ST7L: variants seen among roughly 807,000 people sequenced by gnomAD.
ST7L encodes the protein suppression of tumorigenicity 7 like, also known as suppressor of tumorigenicity 7 protein-like.
In ST7L, 57 loss-of-function variants were observed where a neutral mutation model predicts 72.5. That is an observed-to-expected ratio of 0.79 (90% confidence interval 0.64 to 0.98). The LOEUF is 0.98. ST7L is among the 50% of genes least tolerant of loss of function. The pLI, the probability that ST7L is intolerant of heterozygous loss-of-function variation, is 0.00. For missense variants in ST7L, 576 were observed against 672.2 expected (o/e 0.86, Z 1.58); for synonymous variants, 221 against 240.9 (o/e 0.92, Z 0.77).
At chr1:112,521,256 C>G (rs1652855914), downstream of ST7L, 1 of 151,556 alleles carries the variant, frequency 6.6e-6, no homozygotes, top group Non-Finnish European at 1.5e-5. Context: ...TTAAAACACC[C>G]TAGAACACTC....
intron 6 of ST7L, among the ~76,000 whole-genome samples, chr1:112,586,852 C>T (rs1278176835): frequency 6.6e-6 from 1 of 152,124 alleles, no homozygotes; most frequent in Non-Finnish European, 1.5e-5. Context: ...AGTTGTGCAA[C>T]CATCGCCACA....
intron 13 of ST7L, among the ~76,000 whole-genome samples, chr1:112,542,881 C>T (rs1656386531): frequency 6.6e-6 from 1 of 151,962 alleles, no homozygotes; most frequent in African/African-American, 2.4e-5. Context: ...CTCACTGCAA[C>T]CTCTGCCACC....
Position 112,619,114 on chromosome 1 carries a change from C to T in ST7L, c.-1G>A, listed in dbSNP as rs756106228. On this transcript the variant is annotated 5_prime_UTR_variant, in exon 1 of 15. Transcript: ENST00000358039. ...CACCCACGCCGCCACGGTCCGCCATCTTGCCGCTATCGCAGGCGCCAGGAG... is the reference window on the plus strand; with the variant it reads ...CACCCACGCCGCCACGGTCCGCCATTTTGCCGCTATCGCAGGCGCCAGGAG... The T allele has an allele frequency of 6.2e-7, 1 of 1,613,260 alleles. No homozygotes were observed. Among genetic ancestry groups the T allele is most frequent in the Non-Finnish European group, 8.5e-7 (1 of 1,179,770 alleles).
chr1:112,579,420 T>C (rs1176988951), intron 9 of ST7L, among the ~76,000 whole-genome samples: 2 of 150,090 alleles, frequency 1.3e-5, no homozygotes, highest in Non-Finnish European at 3.0e-5. Flanking sequence ...AAAAACCTGC[T>C]TATAGTAAGT....
At chr1:112,618,684 A>C in intron 1 of ST7L, 1 of 923,506 alleles carries the variant, frequency 1.1e-6, no homozygotes, top group Non-Finnish European at 1.6e-6. Flanking sequence ...CGAGGACATA[A>C]GAGAGAGGGC....
rs772728397 is a variant in ST7L, at chr1:112,594,603, TG to T, written c.623-3001del. 2.0e-5 allele frequency among the ~76,000 whole-genome samples: 3 copies of T among 152,222 alleles called. No homozygotes were observed. The South Asian group carries it at 6.2e-4, about 32-fold the overall frequency. ...GTAGTGAAGCCTAATTTCGGCCAAGTGGTAAGTTCTAGGCAAAGTTCCAAGA... is the reference window on the plus strand; with the variant it reads ...GTAGTGAAGCCTAATTTCGGCCAAGTGTAAGTTCTAGGCAAAGTTCCAAGA... On this transcript the variant is annotated intron_variant, in intron 5 of 14. Transcript: ENST00000358039.
At chr1:112,592,452 T>C (rs963656407) in intron 5 of ST7L, among the ~76,000 whole-genome samples, 2 of 152,206 alleles carry the variant, frequency 1.3e-5, no homozygotes, top group African/African-American at 4.8e-5. Flanking sequence ...ATTCCACTTG[T>C]GTAACAAAAA....
intron 13 of ST7L, 25 bp from the exon 14 acceptor site, chr1:112,542,115 C>A: frequency 1.3e-6 from 2 of 1,557,936 alleles, no homozygotes; most frequent in East Asian, 2.3e-5. Context: ...AGGTAAGAAT[C>A]AATTTTATTT....
intron 9 of ST7L, among the ~76,000 whole-genome samples, chr1:112,581,590 A>C (rs1166539456): frequency 3.3e-5 from 5 of 151,964 alleles, no homozygotes; most frequent in Non-Finnish European, 1.5e-5. Flanking sequence ...TTTTTTGTAG[A>C]GACAGGGTCT....
downstream of ST7L, chr1:112,521,607 C>T (rs1570806280): frequency 2.6e-5 from 4 of 152,426 alleles, no homozygotes; most frequent in East Asian, 7.7e-4. Context: ...AAGTGATACA[C>T]AGCTTAGAAG....
At chr1:112,544,756 G>C (rs1383637399) in intron 13 of ST7L, among the ~76,000 whole-genome samples, 1 of 152,160 alleles carries the variant, frequency 6.6e-6, no homozygotes, top group Non-Finnish European at 1.5e-5. Context: ...TTATAAGGTA[G>C]AAAACTGCAT....
chr1:112,574,818 G>A (rs1213198875), intron 11 of ST7L, among the ~76,000 whole-genome samples: 2 of 152,154 alleles, frequency 1.3e-5, no homozygotes, highest in African/African-American at 2.4e-5. Context: ...TCAGGTAGGC[G>A]TCTGTGGGTT....
Position 112,618,905 on chromosome 1 carries a change from T to C in ST7L, c.205+4A>G. On this transcript the variant is annotated splice_donor_region_variant and intron_variant, in intron 1 of 14. Coordinates refer to ENST00000358039, the MANE Select transcript of ST7L (RefSeq NM_017744.5). Reference sequence around the variant, plus strand: ...CCCTGCCCCAGGAGGTCTGGTCCTCTCACCCGCTGCCAAATTCTCACACAG... The same window carrying C: ...CCCTGCCCCAGGAGGTCTGGTCCTCCCACCCGCTGCCAAATTCTCACACAG... 6.4e-7 allele frequency: 1 copy of C among 1,555,014 alleles called. No homozygotes were observed. Among genetic ancestry groups the C allele is most frequent in the Non-Finnish European group, 8.7e-7 (1 of 1,149,304 alleles).
Position 112,598,020 on chromosome 1 carries a change from A to C in ST7L, c.573T>G (p.His191Gln), listed in dbSNP as rs748348278. Residue 191 changes from histidine to glutamine, a missense_variant, in exon 5 of 15, where the codon CAT becomes CAG. Transcript: ENST00000358039. ...CTGTGTCACAGGTGAAAAAGGTCTG[A>C]TGGTCCTGAGCTGACAGGTTCATGT... ...YYDMNLSAQD[H>Q]QTFFTCDTDF... The C allele has an allele frequency of 1.1e-5, 17 of 1,613,764 alleles. No individual in the cohort carries two copies. Among genetic ancestry groups the C allele is most frequent in the African/African-American group, 2.7e-5 (2 of 74,910 alleles).
intron 11 of ST7L, among the ~76,000 whole-genome samples, chr1:112,560,473 C>A (rs775852422): frequency 1.4e-4 from 22 of 152,218 alleles, no homozygotes; most frequent in Admixed American, 3.9e-4. Context: ...AAAAGTTGAT[C>A]CCCAAAATAT....
intron 9 of ST7L, among the ~76,000 whole-genome samples, chr1:112,578,798 A>C (rs1663577916): frequency 6.6e-6 from 1 of 152,154 alleles, no homozygotes; most frequent in Non-Finnish European, 1.5e-5. Flanking sequence ...ACAAAACAAA[A>C]CAAAAAAAAG....
chr1:112,556,966 C>CAAAAAAAAAAAAAAAAA lies in ST7L; in HGVS notation c.1246-965_1246-949dup, dbSNP rs60106072. Among the ~76,000 whole-genome samples, 56 of 49,514 alleles carry CAAAAAAAAAAAAAAAAA rather than the reference C, an allele frequency of 1.1e-3. 1 individual carries two copies. The highest frequency in any genetic ancestry group is 1.6e-3 in the Non-Finnish European group (38 of 24,244). The allele number at this position is 49,514 out of a possible 152,430, so 32.5% of individuals were successfully genotyped here. The stretch of plus-strand genomic sequence containing the variant: ...CTGGCGACAGAGCGAGACTCTGTCT[C>CAAAAAAAAAAAAAAAAA]AAAAAAAAAAAAAAAAAACAAAAAA... On this transcript the variant is annotated intron_variant, in intron 11 of 14. Transcript: ENST00000358039.
At chr1:112,535,394 TAAGAAGAAGAAG>T (rs369981750) in intron 14 of ST7L, among the ~76,000 whole-genome samples, 13 of 149,210 alleles carry the variant, frequency 8.7e-5, no homozygotes, top group East Asian at 2.0e-4. Context: ...CTAATAATAA[TAAGAAGAAGAAG>T]AAGAAGAAGA....
intron 4 of ST7L, 27 bp from the exon 5 acceptor site, chr1:112,598,113 AAATTG>A (rs770625713): frequency 1.3e-6 from 2 of 1,539,556 alleles, no homozygotes; most frequent in Non-Finnish European, 1.8e-6. Flanking sequence ...CAAAATATTT[AAATTG>A]AACATGAGAG....
Sources: gnomAD v4.1 joint callset for allele counts (sites outside exome capture counted in the v4.1 genomes callset) on GRCh38, gnomAD v4.1.1 for gene constraint, MANE v1.5 for transcripts, NCBI Gene and HGNC (gene_info 2026-07-23, HGNC 2026-07-21) for gene names.